The following ZNF227 variants were observed in gnomAD, a reference collection of about 807,000 sequenced individuals.
ZNF227 encodes the protein zinc finger protein 227.
A neutral mutation model predicts 13.2 loss-of-function variants in ZNF227; 12 were observed. The ratio of observed to expected loss-of-function variants is 0.91; its 90% CI spans 0.58 to 1.47. ZNF227 has a LOEUF of 1.47. ZNF227 is among the 40% of genes most tolerant of loss of function. The pLI is 0.00. For missense variants in ZNF227, 885 were observed against 967.5 expected (o/e 0.91, Z 1.13); for synonymous variants, 338 against 326.0 (o/e 1.04, Z -0.40).
chr19:44,236,363 T>C lies in ZNF227; in HGVS notation c.1933T>C (p.Ser645Pro). 6.2e-7 allele frequency: 1 copy of C among 1,614,116 alleles called. No homozygotes were observed. Among genetic ancestry groups the C allele is most frequent in the South Asian group, 1.1e-5 (1 of 91,080 alleles). Residue 645 changes from serine to proline, a missense_variant, in exon 6 of 6, where the codon TCT (serine) becomes CCT (proline). Ser to Pro is a moderately conservative substitution (Grantham distance 74, BLOSUM62 -1). Transcript: ENST00000313040. ...CTGTGGTAAGGGCTTCAGTCAGTCC[T>C]CTGGTCTTCAATCCCATCAGAGAGT... Reference protein sequence around the residue: ...GVCGKGFSQSSGLQSHQRVHT... With the variant: ...GVCGKGFSQSPGLQSHQRVHT...
At chr19:44,230,906 T>TACAAAAAA in intron 5 of ZNF227, among the ~76,000 whole-genome samples, 1 of 37,610 alleles carries the variant, frequency 2.7e-5, no homozygotes, top group African/African-American at 2.1e-4. Flanking sequence ...ACTCCATCTC[T>TACAAAAAA]ACAAAAAAAA....
rs756136616 is a variant in ZNF227 at position 44,234,693 on chromosome 19, T to C, written c.272-9T>C. ...ATCTCTAAATATTGCCTTTTTTCTT[T>C]TTTAATAGGCAGCAAGCATCAAAAT... On this transcript the variant is annotated splice_polypyrimidine_tract_variant and intron_variant, in intron 5 of 5. Transcript: ENST00000313040. 7 of 1,562,794 alleles carry C rather than the reference T, an allele frequency of 4.5e-6. No homozygotes were observed. Among genetic ancestry groups the C allele is most frequent in the Non-Finnish European group, 6.0e-6 (7 of 1,161,874 alleles).
chr19:44,227,613 A>ACAAT (rs1448668864), intron 3 of ZNF227, among the ~76,000 whole-genome samples: 2 of 152,122 alleles, frequency 1.3e-5, no homozygotes, highest in African/African-American at 2.4e-5. Context: ...GTGCAGTGGC[A>ACAAT]CAATCATGGC....
At chr19:44,232,771 G>A (rs529884746) in intron 5 of ZNF227, among the ~76,000 whole-genome samples, 9 of 151,908 alleles carry the variant, frequency 5.9e-5, no homozygotes, top group East Asian at 5.8e-4. Context: ...GGGATCAAGC[G>A]ATTCTCATAT....
Position 44,234,838 on chromosome 19 carries a change from C to T in ZNF227, c.408C>T (p.Ser136=). 1 of 1,613,972 alleles carries T rather than the reference C, an allele frequency of 6.2e-7. No individual in the cohort carries two copies. The highest frequency in any genetic ancestry group is 8.5e-7 in the Non-Finnish European group (1 of 1,180,000). ...CCAGGTGTCTTCAGGGGAAGAGTTC[C>T]CAGTTATTACAAGGTGACTCTATTC... ...ELTRCLQGKS[S]QLLQGDSIQV... is the part of the protein sequence containing the mutation. Residue 136 remains serine (S), a synonymous_variant, in exon 6 of 6, where the codon TCC becomes TCT. Coordinates refer to ENST00000313040, the MANE Select transcript of ZNF227 (RefSeq NM_182490.3).
chr19:44,236,980 AAC>A lies in ZNF227; in HGVS notation c.*154_*155del, dbSNP rs1459905661. 19 of 639,922 alleles carry A rather than the reference AAC, an allele frequency of 3.0e-5. No individual in the cohort carries two copies. Among genetic ancestry groups the A allele is most frequent in the Admixed American group, 6.3e-5 (2 of 31,990 alleles). 39.6% of individuals were successfully genotyped at this position (639,922 alleles called of 1,614,324 possible). On this transcript the variant is annotated 3_prime_UTR_variant, in exon 6 of 6. Coordinates refer to ENST00000313040, the MANE Select transcript of ZNF227 (RefSeq NM_182490.3). Reference sequence around the variant, plus strand: ...TTTCTAACAAATCCATCAAGATGATAACACAGAACCATGAACAGGAATAGAAC... The same window carrying A: ...TTTCTAACAAATCCATCAAGATGATAACAGAACCATGAACAGGAATAGAAC...
chr19:44,228,734 C>A, intron 4 of ZNF227, 162 bp downstream of exon 4: 1 of 877,632 alleles, frequency 1.1e-6, no homozygotes, highest in Non-Finnish European at 1.6e-6. Flanking sequence ...GGTCTTTCTG[C>A]TCAGGCAAAA....
rs147590559 is a variant in ZNF227, at chr19:44,227,978, C to T, written c.61-468C>T. 6.6e-3 allele frequency among the ~76,000 whole-genome samples: 1,001 copies of T among 152,240 alleles called. 16 individuals carry two copies. The highest frequency in any genetic ancestry group is 0.023 in the African/African-American group (964 of 41,544). On this transcript the variant is annotated intron_variant, in intron 3 of 5. Coordinates refer to ENST00000313040, the MANE Select transcript of ZNF227 (RefSeq NM_182490.3). ...GCTCAGTGGCTCACACCTATAATCACAGCACTTTGGGAGGCCAAGGCGGGC... is the reference window on the plus strand; with the variant it reads ...GCTCAGTGGCTCACACCTATAATCATAGCACTTTGGGAGGCCAAGGCGGGC...
At chr19:44,212,728 C>G (rs1484784472) in intron 1 of ZNF227, 143 bp downstream of exon 1, 1 of 152,248 alleles carries the variant, frequency 6.6e-6, no homozygotes, top group African/African-American at 2.4e-5. Context: ...GAAGTTTGCT[C>G]TCCTCCCGCA....
At chr19:44,211,907 T>G (rs1196522433), upstream of ZNF227, among the ~76,000 whole-genome samples, 1 of 145,312 alleles carries the variant, frequency 6.9e-6, no homozygotes, top group Admixed American at 6.8e-5. Context: ...TTCTTTTTTT[T>G]TTTTTTGAGA....
chr19:44,233,911 G>A (rs761608529), intron 5 of ZNF227, among the ~76,000 whole-genome samples: 23 of 151,948 alleles, frequency 1.5e-4, no homozygotes, highest in Non-Finnish European at 2.6e-4. Context: ...AAAAAATGGC[G>A]TATGGTGGTA....
In ZNF227 at chr19:44,235,408, C is replaced by T. The variant is rs755043400; in HGVS notation, c.978C>T (p.Cys326=). 107 of 1,613,946 alleles carry T rather than the reference C, an allele frequency of 6.6e-5. No homozygotes were observed. The highest frequency in any genetic ancestry group is 7.8e-5 in the Non-Finnish European group (92 of 1,180,020). Residue 326 remains cysteine, a synonymous_variant, in exon 6 of 6, where the codon TGC becomes TGT. Coordinates refer to ENST00000313040, the MANE Select transcript of ZNF227 (RefSeq NM_182490.3). ...SNHTGEKSYR[C]DSCGKGFSSS... is the part of the protein sequence containing the mutation. ...ATACAGGAGAGAAGTCTTATAGATG[C>T]GACAGTTGCGGCAAGGGATTCAGTA...
intron 2 of ZNF227, among the ~76,000 whole-genome samples, chr19:44,214,321 G>C (rs1971617079): frequency 6.6e-6 from 1 of 151,658 alleles, no homozygotes; most frequent in Non-Finnish European, 1.5e-5. Flanking sequence ...TCTCAAAATA[G>C]GTTTGGTATT....
upstream of ZNF227, among the ~76,000 whole-genome samples, chr19:44,210,380 C>T (rs944970830): frequency 1.3e-5 from 2 of 152,142 alleles, no homozygotes; most frequent in Admixed American, 1.3e-4. Context: ...TTCATTTGTA[C>T]TTGATATCAA....
chr19:44,235,277 C>T lies in ZNF227; in HGVS notation c.847C>T (p.His283Tyr), dbSNP rs757577379. Residue 283 changes from histidine (H) to tyrosine (Y), a missense_variant, in exon 6 of 6, where the codon CAT (histidine) becomes TAT (tyrosine). His to Tyr is a moderately conservative substitution (Grantham distance 83). Transcript: ENST00000313040. ...AGAAAAATGCTTCAGTCAAAGCTCACATCTGCGAACTCATCAGAGAATTCA... is the reference window on the plus strand; with the variant it reads ...AGAAAAATGCTTCAGTCAAAGCTCATATCTGCGAACTCATCAGAGAATTCA... ...TGEKCFSQSS[H>Y]LRTHQRIHPG... 6.2e-7 allele frequency: 1 copy of T among 1,614,098 alleles called. No individual in the cohort carries two copies. Among genetic ancestry groups the T allele is most frequent in the East Asian group, 2.2e-5 (1 of 44,878 alleles).
intron 2 of ZNF227, among the ~76,000 whole-genome samples, chr19:44,217,119 C>G (rs903249865): frequency 6.6e-6 from 1 of 151,816 alleles, no homozygotes; most frequent in Non-Finnish European, 1.5e-5. Flanking sequence ...CGCACCACCA[C>G]GCCTGGCTGA....
chr19:44,224,920 C>T (rs1423988392), intron 3 of ZNF227, among the ~76,000 whole-genome samples: 2 of 152,102 alleles, frequency 1.3e-5, no homozygotes, highest in African/African-American at 4.8e-5. Context: ...TGTTCCTTTC[C>T]ATGTTTAGTG....
Position 44,236,817 on chromosome 19 carries a change from G to T in ZNF227, c.2387G>T (p.Gly796Val). The T allele has an allele frequency of 3.2e-6, 5 of 1,563,942 alleles. No individual in the cohort carries two copies. Among genetic ancestry groups the T allele is most frequent in the Non-Finnish European group, 4.3e-6 (5 of 1,158,090 alleles). Residue 796 changes from glycine to valine, a missense_variant, in exon 6 of 6, where the codon GGT (glycine) becomes GTT (valine). Physicochemically the swap from Gly to Val is moderately radical, Grantham distance 109. Coordinates refer to ENST00000313040, the MANE Select transcript of ZNF227 (RefSeq NM_182490.3). ...RLTYHQKVHT[G>V]KKL ...ACATATCATCAGAAAGTCCATACTG[G>T]TAAAAAGCTTTAGAAATGAGAAATG...
rs540495693 is a variant in ZNF227 at position 44,229,900 on chromosome 19, C to A, written c.271+84C>A. The A allele has an allele frequency of 7.6e-6, 7 of 924,748 alleles. No individual in the cohort carries two copies. The East Asian group carries it at 1.8e-4, about 23-fold the overall frequency. The allele number at this position is 924,748 out of a possible 1,614,324, so 57.3% of individuals were successfully genotyped here. On this transcript the variant is annotated intron_variant, in intron 5 of 5. Transcript: ENST00000313040. The stretch of plus-strand genomic sequence containing the variant: ...TTACCATGTCCATGACCTCCCTGGT[C>A]TGAGTGTTAAAATCTTTCACCTGGA...
Sources: allele counts gnomAD v4.1 joint callset (sites outside exome capture counted in the v4.1 genomes callset), GRCh38; gene constraint gnomAD v4.1.1; transcripts MANE v1.5; gene names NCBI Gene and HGNC (gene_info 2026-07-23, HGNC 2026-07-21).